Variants in PDE4D observed in about 807,000 individuals in gnomAD.
The protein encoded by PDE4D is phosphodiesterase 4D, also known as 3',5'-cyclic-AMP phosphodiesterase 4D.
In PDE4D, 24 loss-of-function variants were observed where a neutral mutation model predicts 87.4. The observed-to-expected ratio is 0.27, with a 90% CI of 0.20 to 0.39. The LOEUF (loss-of-function observed/expected upper bound fraction) is 0.39, where lower values mean the gene tolerates loss of function less well. Ranked by LOEUF, PDE4D falls within the 10% of genes least tolerant of loss-of-function variation. The pLI is 1.00. For synonymous variants in PDE4D, 384 were observed against 383.2 expected (o/e 1.00, Z -0.02); for missense variants, 714 against 1,041.0 (o/e 0.69, Z 4.32).
chr5:59,523,187 A>T (rs1812531038), intron 1 of PDE4D, among the ~76,000 whole-genome samples: 1 of 152,182 alleles, frequency 6.6e-6, no homozygotes, highest in East Asian at 1.9e-4. Context: ...CTCAACTGAA[A>T]GGATGTAAAT....
rs1338408959 is a variant in PDE4D at position 60,157,890 on chromosome 5, TC to T, written c.42+27666del. ...TTTTTTCTTTTCCTTTCCCTTTCTT[TC>T]CCTTCCTTCCTTCCTTCCTTCCTTC... On this transcript the variant is annotated intron_variant, in intron 2 of 16. Transcript: ENST00000502484. Among the ~76,000 whole-genome samples, 9 of 77,566 alleles carry T rather than the reference TC, an allele frequency of 1.2e-4. No homozygotes were observed. In the East Asian group the frequency reaches 1.6e-3, roughly 14 times the overall value. The allele number at this position is 77,566 out of a possible 152,430, so 50.9% of individuals were successfully genotyped here.
chr5:59,514,419 T>G (rs1176602799), intron 1 of PDE4D, among the ~76,000 whole-genome samples: 4 of 152,256 alleles, frequency 2.6e-5, no homozygotes, highest in African/African-American at 9.6e-5. Flanking sequence ...TTTTTCAATT[T>G]AGAATCTCGG....
At chr5:59,323,103 C>T (rs960800932) in intron 1 of PDE4D, among the ~76,000 whole-genome samples, 1 of 152,124 alleles carries the variant, frequency 6.6e-6, no homozygotes, top group Non-Finnish European at 1.5e-5. Flanking sequence ...TTCAAGCTTG[C>T]TAGCAATCTA....
intron 4 of PDE4D, among the ~76,000 whole-genome samples, chr5:59,182,773 C>A (rs2081106): frequency 0.095 from 14,478 of 152,120 alleles, 863 homozygotes; most frequent in Admixed American, 0.14. Context: ...CTCGATACCT[C>A]CTCTAATGAC....
chr5:60,366,430 G>C (rs1407901025), intron 1 of PDE4D, among the ~76,000 whole-genome samples: 2 of 152,096 alleles, frequency 1.3e-5, no homozygotes, highest in Admixed American at 1.3e-4. Context: ...TAAGGCACTT[G>C]GGGTGAAGTT....
At chr5:59,630,182 G>A (rs997333978) in intron 1 of PDE4D, among the ~76,000 whole-genome samples, 1 of 152,050 alleles carries the variant, frequency 6.6e-6, no homozygotes, top group Non-Finnish European at 1.5e-5. Flanking sequence ...GCACACATAC[G>A]CACATACGTC....
chr5:58,977,446 C>T, intron 11 of PDE4D, 101 bp from the exon 12 acceptor site: 2 of 996,048 alleles, frequency 2.0e-6, no homozygotes, highest in Non-Finnish European at 1.5e-6. Flanking sequence ...CCCTAAACTT[C>T]TCTGCTGCCC....
chr5:59,461,705 C>T (rs1800810393), intron 1 of PDE4D, among the ~76,000 whole-genome samples: 1 of 152,140 alleles, frequency 6.6e-6, no homozygotes, highest in South Asian at 2.1e-4. Context: ...TAGGCTTCAA[C>T]TAATCATTGC....
At chr5:60,265,684 G>T (rs1348071466) in intron 1 of PDE4D, among the ~76,000 whole-genome samples, 1 of 151,982 alleles carries the variant, frequency 6.6e-6, no homozygotes, top group Non-Finnish European at 1.5e-5. Flanking sequence ...CCCTTTTTCT[G>T]TTCCACTCCC....
chr5:59,664,510 G>A (rs986338326), intron 1 of PDE4D, among the ~76,000 whole-genome samples: 4 of 152,138 alleles, frequency 2.6e-5, no homozygotes, highest in Non-Finnish European at 4.4e-5. Flanking sequence ...CTTGCTTGTA[G>A]AAAATTTAGC....
chr5:59,199,210 A>T (rs1746165953), intron 2 of PDE4D, among the ~76,000 whole-genome samples: 1 of 151,958 alleles, frequency 6.6e-6, no homozygotes, highest in Non-Finnish European at 1.5e-5. Flanking sequence ...TGCATGAACT[A>T]GCACTGTGAA....
At chr5:59,691,221 G>T (rs1328127613) in intron 1 of PDE4D, among the ~76,000 whole-genome samples, 1 of 152,108 alleles carries the variant, frequency 6.6e-6, no homozygotes, top group Non-Finnish European at 1.5e-5. Context: ...CCATTACTGG[G>T]TATATACCCA....
intron 1 of PDE4D, among the ~76,000 whole-genome samples, chr5:59,830,996 T>A (rs936475736): frequency 1.3e-5 from 2 of 152,036 alleles, no homozygotes; most frequent in Admixed American, 1.3e-4. Context: ...GCTTTTCTTT[T>A]GGGACAGTAA....
At chr5:60,456,923 G>A (rs537857327) in intron 1 of PDE4D, among the ~76,000 whole-genome samples, 1 of 152,132 alleles carries the variant, frequency 6.6e-6, no homozygotes, top group African/African-American at 2.4e-5. Context: ...GTCTTTTTGG[G>A]CTTTAATCTG....
intron 1 of PDE4D, among the ~76,000 whole-genome samples, chr5:59,291,190 T>C (rs1457743592): frequency 5.9e-5 from 9 of 152,012 alleles, no homozygotes; most frequent in South Asian, 2.1e-4. Context: ...TAAATTTCTA[T>C]CAACAGGCAA....
chr5:60,230,343 G>T (rs1745652300), intron 1 of PDE4D, among the ~76,000 whole-genome samples: 1 of 152,024 alleles, frequency 6.6e-6, no homozygotes, highest in Non-Finnish European at 1.5e-5. Flanking sequence ...TAGAGGTTCT[G>T]AAGAAAAAAC....
chr5:59,501,681 G>C (rs1808312310), intron 1 of PDE4D, among the ~76,000 whole-genome samples: 1 of 152,060 alleles, frequency 6.6e-6, no homozygotes, highest in African/African-American at 2.4e-5. Context: ...TGATAAAAAG[G>C]AAAAAGCTTA....
At chr5:59,003,791 C>T (rs9292186) in intron 6 of PDE4D, among the ~76,000 whole-genome samples, 25 of 151,864 alleles carry the variant, frequency 1.6e-4, no homozygotes, top group African/African-American at 5.8e-4. Flanking sequence ...ATGTGGATTG[C>T]GGGGTGAGAG....
intron 6 of PDE4D, among the ~76,000 whole-genome samples, chr5:59,022,392 A>G (rs1266119614): frequency 1.3e-5 from 2 of 151,858 alleles, no homozygotes; most frequent in Non-Finnish European, 2.9e-5. Context: ...TTCTTTCCTT[A>G]TATCTTCATT....
Sources: gnomAD v4.1 joint callset for allele counts (sites outside exome capture counted in the v4.1 genomes callset) on GRCh38, gnomAD v4.1.1 for gene constraint, MANE v1.5 for transcripts, NCBI Gene and HGNC (gene_info 2026-07-23, HGNC 2026-07-21) for gene names.